The following NAT9 variants were observed in gnomAD, a reference collection of about 807,000 sequenced individuals.
NAT9 encodes the protein alpha/beta-tubulin-N-acetyltransferase 9.
NAT9 carries 18 observed loss-of-function variants against 24.0 expected under a neutral mutation model. The ratio of observed to expected loss-of-function variants is 0.75; its 90% CI spans 0.52 to 1.11. NAT9 has a LOEUF of 1.11. NAT9 is among the 50% of genes most tolerant of loss of function. The pLI, the probability that NAT9 is intolerant of heterozygous loss-of-function variation, is 0.00. For synonymous variants in NAT9, 104 were observed against 102.3 expected (o/e 1.02, Z -0.10); for missense variants, 254 against 258.6 (o/e 0.98, Z 0.12).
chr17:74,773,889 T>C, intron 2 of NAT9: 1 of 541,076 alleles, frequency 1.8e-6, no homozygotes, highest in South Asian at 2.0e-5. Flanking sequence ...GACGAGTCAG[T>C]TCTATCTGTC....
At position 74,775,642 on chromosome 17, in the gene NAT9, G is replaced by T. The variant is rs768521610; in HGVS notation, c.57C>A (p.Tyr19Ter). Residue 19 changes from tyrosine to a stop codon, truncating the protein, a stop_gained, in exon 2 of 7, where the codon TAC becomes TAA. Coordinates refer to ENST00000357814, the MANE Select transcript of NAT9 (RefSeq NM_015654.5). LOFTEE classifies it high-confidence loss of function. ...GATACCTGGGCACATGCTCCGAGGTGTAGGGTACAAGGACCACCTTCTTCC... is the reference window on the plus strand; with the variant it reads ...GATACCTGGGCACATGCTCCGAGGTTTAGGGTACAAGGACCACCTTCTTCC... ...LLGKKVVLVPYTSEHVPSRYH... is the reference protein window; with the variant it reads ...LLGKKVVLVP The T allele has an allele frequency of 3.7e-6, 6 of 1,614,076 alleles. No homozygotes were observed. The highest frequency in any genetic ancestry group is 5.1e-6 in the Non-Finnish European group (6 of 1,179,944).
At position 74,773,656 on chromosome 17, in the gene NAT9, A is replaced by C; in HGVS notation, c.110T>G (p.Leu37Arg). The change falls in exon 3 of 7, where the codon CTG (leucine) becomes CGG (arginine). Residue 37 changes from leucine to arginine, a missense_variant. Physicochemically the swap from Leu to Arg is moderately radical, Grantham distance 102. Coordinates refer to ENST00000357814, the MANE Select transcript of NAT9 (RefSeq NM_015654.5). ...CGGCTCCGAGGCTGTCAAACGCTGC[A>C]GCTCCTCTGATTTCATCCACTCGTG... The part of the protein sequence containing the change: ...RYHEWMKSEE[L>R]QRLTASEPLT... 1 of 1,614,136 alleles carries C rather than the reference A, an allele frequency of 6.2e-7. No individual in the cohort carries two copies. The highest frequency in any genetic ancestry group is 2.2e-5 in the East Asian group (1 of 44,888).
At position 74,771,696 on chromosome 17, in the gene NAT9, C is replaced by T. The variant is rs1555601169; in HGVS notation, c.*28G>A. On this transcript the variant is annotated 3_prime_UTR_variant, in exon 7 of 7. Coordinates refer to ENST00000357814, the MANE Select transcript of NAT9 (RefSeq NM_015654.5). ...GTATGGGCCCAACACCCTGCTCACA[C>T]AGAGTGGCTGCCCACAAGGCCCAGC... 1.9e-6 allele frequency: 3 copies of T among 1,612,820 alleles called. No individual in the cohort carries two copies. The South Asian group carries it at 3.3e-5, about 18-fold the overall frequency.
chr17:74,775,141 C>G (rs2035837327), intron 2 of NAT9, among the ~76,000 whole-genome samples: 1 of 152,080 alleles, frequency 6.6e-6, no homozygotes, highest in South Asian at 2.1e-4. Context: ...AGGCGTGAGC[C>G]ACCGCACCCG....
rs1598399240 is a variant in NAT9 at position 74,775,976 on chromosome 17, C to T, written c.-9-269G>A. On this transcript the variant is annotated intron_variant, in intron 1 of 6. Coordinates refer to ENST00000357814, the MANE Select transcript of NAT9 (RefSeq NM_015654.5). Reference sequence around the variant, plus strand: ...CCGTCCACTCCCCAGAACTTCGATTCCTCAAACCCAAGCACCAAGTACCAA... The same window carrying T: ...CCGTCCACTCCCCAGAACTTCGATTTCTCAAACCCAAGCACCAAGTACCAA... 1.0e-5 allele frequency: 4 copies of T among 383,584 alleles called. No homozygotes were observed. The South Asian group carries it at 1.9e-4, about 19-fold the overall frequency. The allele number at this position is 383,584 out of a possible 1,614,324, so 23.8% of individuals were successfully genotyped here. A position where few individuals can be genotyped will look rare whatever the true frequency, so the allele number is the denominator to read the frequency against.
rs988536380 is a variant in NAT9, at chr17:74,776,309, C to T, written c.-52G>A. 6.6e-6 allele frequency: 1 copy of T among 152,530 alleles called. No homozygotes were observed. The highest frequency in any genetic ancestry group is 2.4e-5 in the African/African-American group (1 of 41,474). The allele number at this position is 152,530 out of a possible 1,614,324, so 9.4% of individuals were successfully genotyped here. ...GTCCCCCGCAGAAAGGGTGATCTAC[C>T]TCCTCCAACCAGCCACGTTCCCAGG... On this transcript the variant is annotated 5_prime_UTR_variant, in exon 1 of 7. Coordinates refer to ENST00000357814, the MANE Select transcript of NAT9 (RefSeq NM_015654.5).
In NAT9 at chr17:74,773,704, G is replaced by A; in HGVS notation, c.78-16C>T. The A allele has an allele frequency of 6.2e-7, 1 of 1,610,468 alleles. No individual in the cohort carries two copies. Among genetic ancestry groups the A allele is most frequent in the Non-Finnish European group, 8.5e-7 (1 of 1,176,868 alleles). ...GTGGTACCTGCTGGGACAGAGGGGTGGCTTTAGACATGGAGGACTCATTCA... is the reference window on the plus strand; with the variant it reads ...GTGGTACCTGCTGGGACAGAGGGGTAGCTTTAGACATGGAGGACTCATTCA... On this transcript the variant is annotated splice_polypyrimidine_tract_variant and intron_variant, in intron 2 of 6. Coordinates refer to ENST00000357814, the MANE Select transcript of NAT9 (RefSeq NM_015654.5).
In NAT9 at chr17:74,771,147, G is replaced by C. The variant is rs1342080999; in HGVS notation, c.*577C>G. 1 of 161,558 alleles carries C rather than the reference G, an allele frequency of 6.2e-6. No individual in the cohort carries two copies. Among genetic ancestry groups the C allele is most frequent in the African/African-American group, 2.4e-5 (1 of 41,600 alleles). The allele number at this position is 161,558 out of a possible 1,614,324, so 10.0% of individuals were successfully genotyped here. A position where few individuals can be genotyped will look rare whatever the true frequency, so the allele number is the denominator to read the frequency against. ...CAGGAGAGAGGAGGACGGACACTAGGTTGAGGGGCCAGGCCACACTCACTC... is the reference window on the plus strand; with the variant it reads ...CAGGAGAGAGGAGGACGGACACTAGCTTGAGGGGCCAGGCCACACTCACTC... On this transcript the variant is annotated 3_prime_UTR_variant, in exon 7 of 7. Transcript: ENST00000357814.
chr17:74,773,088 A>G (rs1598370591), intron 3 of NAT9, 49 bp from the exon 4 acceptor site: 2 of 1,599,730 alleles, frequency 1.3e-6, no homozygotes, highest in Non-Finnish European at 1.7e-6. Context: ...AGAGGAGAGA[A>G]GAGAGGATGG....
rs1376637159 is a variant in NAT9 at position 74,774,411 on chromosome 17, A to ATTT, written c.78-726_78-724dup. Among the ~76,000 whole-genome samples, 177 of 127,226 alleles carry ATTT rather than the reference A, an allele frequency of 1.4e-3. 1 individual carries two copies. Among genetic ancestry groups the ATTT allele is most frequent in the African/African-American group, 5.0e-3 (168 of 33,392 alleles). The allele number at this position is 127,226 out of a possible 152,430, so 83.5% of individuals were successfully genotyped here. ...GAAGTCACAGTCCCCAGGTTCTGCTATTTTTTTTTTTTTTTTTTTTGAGAC... is the reference window on the plus strand; with the variant it reads ...GAAGTCACAGTCCCCAGGTTCTGCTATTTTTTTTTTTTTTTTTTTTTTTGAGAC... On this transcript the variant is annotated intron_variant, in intron 2 of 6. Coordinates refer to ENST00000357814, the MANE Select transcript of NAT9 (RefSeq NM_015654.5).
intron 2 of NAT9, among the ~76,000 whole-genome samples, chr17:74,774,415 T>TG (rs1362926680): frequency 6.6e-6 from 1 of 151,036 alleles, no homozygotes; most frequent in Non-Finnish European, 1.5e-5. Flanking sequence ...TCTGCTATTT[T>TG]TTTTTTTTTT....
intron 2 of NAT9, among the ~76,000 whole-genome samples, chr17:74,774,551 C>CT (rs34005401): frequency 0.38 from 49,399 of 130,004 alleles, 10,188 homozygotes; most frequent in Non-Finnish European, 0.45. Context: ...AGGCTGGTCT[C>CT]TTTTTTTTTT....
intron 4 of NAT9, 143 bp from the exon 5 acceptor site, chr17:74,772,420 A>G: frequency 3.5e-6 from 5 of 1,429,930 alleles, no homozygotes; most frequent in Non-Finnish European, 2.8e-6. Flanking sequence ...ACAGGCACAA[A>G]GAAGTGTGAA....
chr17:74,774,706 C>T (rs566344559), intron 2 of NAT9, among the ~76,000 whole-genome samples: 3 of 151,296 alleles, frequency 2.0e-5, no homozygotes, highest in Admixed American at 2.0e-4. Context: ...CCCGCCACCA[C>T]ATCCGGCTAA....
chr17:74,772,148 A>C, intron 5 of NAT9, 70 bp downstream of exon 5: 2 of 1,613,262 alleles, frequency 1.2e-6, no homozygotes, highest in Non-Finnish European at 1.7e-6. Context: ...CCTGCCCCCA[A>C]CCCTCACACC....
At chr17:74,772,520 G>A (rs1337022228) in intron 4 of NAT9, 5 of 1,414,978 alleles carry the variant, frequency 3.5e-6, no homozygotes, top group Non-Finnish European at 4.6e-6. Context: ...GGGATAGTCA[G>A]TAGCCACTTG....
Position 74,773,563 on chromosome 17 carries a change from G to T in NAT9, c.190+13C>A, listed in dbSNP as rs2035534396. 1 of 1,604,912 alleles carries T rather than the reference G, an allele frequency of 6.2e-7. No homozygotes were observed. The highest frequency in any genetic ancestry group is 1.3e-5 in the African/African-American group (1 of 74,880). Reference sequence around the variant, plus strand: ...AGTACCAGGGCTAGGGGAAGTGGGGGGGCACTCCTCACTGTCTGCATCTTC... The same window carrying T: ...AGTACCAGGGCTAGGGGAAGTGGGGTGGCACTCCTCACTGTCTGCATCTTC... On this transcript the variant is annotated intron_variant, in intron 3 of 6. Coordinates refer to ENST00000357814, the MANE Select transcript of NAT9 (RefSeq NM_015654.5).
At chr17:74,772,309 C>T (rs768848109) in intron 4 of NAT9, 32 bp from the exon 5 acceptor site, 8 of 1,611,634 alleles carry the variant, frequency 5.0e-6, no homozygotes, top group South Asian at 2.2e-5. Flanking sequence ...GCGCTGACGC[C>T]GTGTGCCAGG....
chr17:74,775,245 T>C (rs775214495), intron 2 of NAT9: 2 of 168,960 alleles, frequency 1.2e-5, no homozygotes, highest in African/African-American at 2.4e-5. Context: ...TGGAGTACAG[T>C]GGTACAATCA....
Sources: gnomAD v4.1 joint callset for allele counts (sites outside exome capture counted in the v4.1 genomes callset) on GRCh38, gnomAD v4.1.1 for gene constraint, MANE v1.5 for transcripts, NCBI Gene and HGNC (gene_info 2026-07-23, HGNC 2026-07-21) for gene names.